The following SPAG16 variants were observed in gnomAD, a reference collection of about 807,000 sequenced individuals.
SPAG16 encodes the protein sperm-associated antigen 16 protein.
Under a neutral mutation model 80.4 loss-of-function variants are expected in SPAG16, and 86 were observed. That is an observed-to-expected ratio of 1.07 (90% CI 0.90 to 1.28). SPAG16 has a LOEUF of 1.28. Among genes scored for constraint, SPAG16 ranks in the 50% most tolerant of loss-of-function variants. The pLI is 0.00. For missense variants in SPAG16, 870 were observed against 765.3 expected (o/e 1.14, Z -1.61); for synonymous variants, 294 against 265.9 (o/e 1.11, Z -1.03).
At chr2:213,795,282 C>A (rs2125621060) in intron 10 of SPAG16, among the ~76,000 whole-genome samples, 1 of 152,208 alleles carries the variant, frequency 6.6e-6, no homozygotes, top group East Asian at 1.9e-4. Context: ...ATGTTTGTAT[C>A]TGTAGATTAA....
intron 13 of SPAG16, among the ~76,000 whole-genome samples, chr2:214,018,492 G>T (rs2047700327): frequency 6.6e-6 from 1 of 152,046 alleles, no homozygotes; most frequent in Non-Finnish European, 1.5e-5. Flanking sequence ...TTTTTTCTAT[G>T]TTGTAATGAT....
chr2:214,329,382 CA>C, intron 15 of SPAG16, among the ~76,000 whole-genome samples: 1 of 152,190 alleles, frequency 6.6e-6, no homozygotes, highest in Non-Finnish European at 1.5e-5. Context: ...GTTTAACCTT[CA>C]AAAGTCTTCA....
At chr2:213,337,750 A>G (rs2064446634) in intron 5 of SPAG16, among the ~76,000 whole-genome samples, 2 of 152,174 alleles carry the variant, frequency 1.3e-5, no homozygotes, top group African/African-American at 2.4e-5. Flanking sequence ...TATGACTGAT[A>G]GGAGTATCTG....
chr2:213,723,526 A>G (rs2066620629), intron 10 of SPAG16, among the ~76,000 whole-genome samples: 1 of 152,210 alleles, frequency 6.6e-6, no homozygotes, highest in African/African-American at 2.4e-5. Context: ...CAGAGAGCTT[A>G]CCCAGTCTCA....
At chr2:213,867,440 C>T (rs1346557604) in intron 11 of SPAG16, among the ~76,000 whole-genome samples, 3 of 151,624 alleles carry the variant, frequency 2.0e-5, no homozygotes, top group African/African-American at 7.3e-5. Flanking sequence ...ATGCTAGCCT[C>T]ACCATTGCCA....
intron 15 of SPAG16, among the ~76,000 whole-genome samples, chr2:214,223,196 T>A (rs2058622661): frequency 6.6e-6 from 1 of 152,140 alleles, no homozygotes; most frequent in Admixed American, 6.5e-5. Context: ...CTATGTTAAG[T>A]CTTAATTCAA....
At chr2:213,606,850 C>T (rs772820189) in intron 10 of SPAG16, among the ~76,000 whole-genome samples, 2 of 152,168 alleles carry the variant, frequency 1.3e-5, no homozygotes, top group Non-Finnish European at 1.5e-5. Context: ...ACAGTCCTAC[C>T]ATCTCACCAT....
At chr2:213,830,451 G>T (rs1463625737) in intron 10 of SPAG16, among the ~76,000 whole-genome samples, 1 of 152,090 alleles carries the variant, frequency 6.6e-6, no homozygotes, top group Non-Finnish European at 1.5e-5. Context: ...TTAAAAACAG[G>T]TACTGTAATT....
rs556475117 is a variant in SPAG16 at position 213,458,611 on chromosome 2, TCAC to T, written c.943-31351_943-31349del. On this transcript the variant is annotated intron_variant, in intron 9 of 15. Coordinates refer to ENST00000331683, the MANE Select transcript of SPAG16 (RefSeq NM_024532.5). ...TAAAAATTCCTAAATGTAAGCCTATTCACAACACATTATTTCATTTTGTTTAAA... is the reference window on the plus strand; with the variant it reads ...TAAAAATTCCTAAATGTAAGCCTATTAACACATTATTTCATTTTGTTTAAA... Among the ~76,000 whole-genome samples the T allele has an allele frequency of 3.9e-5, 6 of 152,274 alleles. No homozygotes were observed. In the South Asian group the frequency reaches 1.0e-3, roughly 26 times the overall value.
chr2:213,494,378 C>T (rs891164967), intron 10 of SPAG16, among the ~76,000 whole-genome samples: 3 of 152,222 alleles, frequency 2.0e-5, no homozygotes, highest in Admixed American at 6.5e-5. Context: ...CTAATCTTCT[C>T]CTTATCTCCC....
At chr2:213,977,727 CCTT>C (rs1361393885) in intron 12 of SPAG16, among the ~76,000 whole-genome samples, 3 of 151,986 alleles carry the variant, frequency 2.0e-5, no homozygotes, top group African/African-American at 4.8e-5. Flanking sequence ...TTATAGCCTG[CCTT>C]CTTATTTATA....
At chr2:214,128,264 A>G (rs2054593590) in intron 14 of SPAG16, among the ~76,000 whole-genome samples, 1 of 151,848 alleles carries the variant, frequency 6.6e-6, no homozygotes, top group South Asian at 2.1e-4. Context: ...TGAATTGCCC[A>G]GTTGGGTGGC....
At chr2:213,330,136 G>T (rs1420784965) in intron 5 of SPAG16, among the ~76,000 whole-genome samples, 2 of 152,250 alleles carry the variant, frequency 1.3e-5, no homozygotes, top group African/African-American at 4.8e-5. Context: ...AGTGCGGAAG[G>T]GAAATATGGG....
intron 12 of SPAG16, among the ~76,000 whole-genome samples, chr2:213,975,361 C>T (rs1425932471): frequency 2.6e-5 from 4 of 151,278 alleles, no homozygotes; most frequent in African/African-American, 9.7e-5. Context: ...TTTTCACTAA[C>T]ACAAAACTAG....
intron 12 of SPAG16, among the ~76,000 whole-genome samples, chr2:213,976,203 C>CACAT (rs1195928504): frequency 6.7e-6 from 1 of 148,252 alleles, no homozygotes; most frequent in East Asian, 2.0e-4. Flanking sequence ...TGTATATATA[C>CACAT]ACATACATAT....
intron 9 of SPAG16, among the ~76,000 whole-genome samples, chr2:213,488,685 A>T (rs942487299): frequency 6.6e-6 from 1 of 152,200 alleles, no homozygotes; most frequent in African/African-American, 2.4e-5. Context: ...AATAGTATTT[A>T]TATCTGGGTG....
At chr2:213,312,040 C>G (rs964586483) in intron 4 of SPAG16, among the ~76,000 whole-genome samples, 1 of 151,584 alleles carries the variant, frequency 6.6e-6, no homozygotes, top group Non-Finnish European at 1.5e-5. Context: ...GGCCTGCTTC[C>G]TGATTTTTAA....
At chr2:214,381,102 C>T (rs181518219) in intron 15 of SPAG16, among the ~76,000 whole-genome samples, 9 of 152,190 alleles carry the variant, frequency 5.9e-5, no homozygotes, top group East Asian at 5.8e-4. Flanking sequence ...TTGATGAAGA[C>T]GATTCTACGA....
chr2:213,905,950 G>A (rs1231963431), intron 11 of SPAG16, among the ~76,000 whole-genome samples: 3 of 152,208 alleles, frequency 2.0e-5, no homozygotes, highest in Non-Finnish European at 4.4e-5. Context: ...ACAGGAAGAT[G>A]CTGGGTTGAG....
Sources: allele counts gnomAD v4.1 joint callset (sites outside exome capture counted in the v4.1 genomes callset), GRCh38; gene constraint gnomAD v4.1.1; transcripts MANE v1.5; gene names NCBI Gene and HGNC (gene_info 2026-07-23, HGNC 2026-07-21).